The following ZNF280D variants were observed in gnomAD, a reference collection of about 807,000 sequenced individuals.
The protein encoded by ZNF280D is zinc finger protein 280D.
A neutral mutation model predicts 94.7 loss-of-function variants in ZNF280D; 39 were observed. That is an observed-to-expected ratio of 0.41 (90% CI 0.32 to 0.54). The LOEUF (loss-of-function observed/expected upper bound fraction) is 0.54, where lower values mean the gene tolerates loss of function less well. Ranked by LOEUF, ZNF280D falls within the 20% of genes least tolerant of loss-of-function variation. ZNF280D has a pLI of 0.22. For synonymous variants in ZNF280D, 398 were observed against 377.6 expected (o/e 1.05, Z -0.63); for missense variants, 1,090 against 1,149.3 (o/e 0.95, Z 0.75).
intron 19 of ZNF280D, among the ~76,000 whole-genome samples, chr15:56,644,052 A>G (rs1372852578): frequency 2.0e-5 from 3 of 151,998 alleles, no homozygotes; most frequent in African/African-American, 7.2e-5. Flanking sequence ...TACTTTGTTA[A>G]ACATTAATAA....
At chr15:56,732,061 T>A (rs1191404886) in intron 1 of ZNF280D, among the ~76,000 whole-genome samples, 1 of 152,194 alleles carries the variant, frequency 6.6e-6, no homozygotes, top group East Asian at 1.9e-4. Flanking sequence ...TTAAAATCTT[T>A]AAGTGAGCCT....
chr15:56,658,456 A>G lies in ZNF280D; in HGVS notation c.2025T>C (p.Phe675=). 1 of 1,587,384 alleles carries G rather than the reference A, an allele frequency of 6.3e-7. No individual in the cohort carries two copies. Among genetic ancestry groups the G allele is most frequent in the South Asian group, 1.2e-5 (1 of 84,134 alleles). ...SFHSNRPSKR[F]CIFKKHSENL... is the part of the protein sequence containing the mutation. Reference sequence around the variant, plus strand: ...TTTCTGAATGCTTCTTAAAAATACAAAACCTTTTGCTTGGACGGTTACTAT... The same window carrying G: ...TTTCTGAATGCTTCTTAAAAATACAGAACCTTTTGCTTGGACGGTTACTAT... The change falls in exon 17 of 22, where the codon TTT becomes TTC. Residue 675 remains phenylalanine, a synonymous_variant. Coordinates refer to ENST00000267807, the MANE Select transcript of ZNF280D (RefSeq NM_017661.4).
chr15:56,677,730 A>T (rs2055327605), intron 11 of ZNF280D, 56 bp from the exon 12 acceptor site: 1 of 654,404 alleles, frequency 1.5e-6, no homozygotes, highest in Non-Finnish European at 2.2e-6. Flanking sequence ...ATAAAAATTA[A>T]TTTTATACAT....
At position 56,654,295 on chromosome 15, in the gene ZNF280D, A is replaced by G; in HGVS notation, c.2177-61T>C. Reference sequence around the variant, plus strand: ...CATATGAAATATGATGAGTGAGAATAATGATTTAGTAAAGAGACCATATTG... The same window carrying G: ...CATATGAAATATGATGAGTGAGAATGATGATTTAGTAAAGAGACCATATTG... On this transcript the variant is annotated intron_variant, in intron 18 of 21. Transcript: ENST00000267807. 10 of 1,598,242 alleles carry G rather than the reference A, an allele frequency of 6.3e-6. No individual in the cohort carries two copies. The South Asian group carries it at 1.1e-4, about 18-fold the overall frequency.
chr15:56,726,412 T>A (rs558805664), intron 1 of ZNF280D, among the ~76,000 whole-genome samples: 1 of 152,268 alleles, frequency 6.6e-6, no homozygotes, highest in African/African-American at 2.4e-5. Flanking sequence ...TTCCTAGAGA[T>A]CTTTAAACAA....
chr15:56,723,315 T>C (rs2058470382), intron 1 of ZNF280D, among the ~76,000 whole-genome samples: 1 of 152,176 alleles, frequency 6.6e-6, no homozygotes. Flanking sequence ...TTTTTTAAAA[T>C]GAAGTACTGA....
At chr15:56,658,945 A>C (rs1405327520) in intron 16 of ZNF280D, among the ~76,000 whole-genome samples, 1 of 152,054 alleles carries the variant, frequency 6.6e-6, no homozygotes, top group Non-Finnish European at 1.5e-5. Context: ...CTGGGAAGTA[A>C]ACAGAACTTG....
chr15:56,705,492 C>T (rs2057350756), intron 3 of ZNF280D, among the ~76,000 whole-genome samples: 1 of 152,124 alleles, frequency 6.6e-6, no homozygotes, highest in African/African-American at 2.4e-5. Flanking sequence ...TCATATGACT[C>T]TAGAGAAGTT....
chr15:56,720,970 T>TGG (rs58898538), intron 1 of ZNF280D, among the ~76,000 whole-genome samples: 1,535 of 25,890 alleles, frequency 0.059, 38 homozygotes, highest in East Asian at 0.19. Flanking sequence ...GCATTTTTTT[T>TGG]GGGGGGGGGG....
At chr15:56,661,570 A>G (rs2053946569) in intron 16 of ZNF280D, among the ~76,000 whole-genome samples, 1 of 152,212 alleles carries the variant, frequency 6.6e-6, no homozygotes, top group Admixed American at 6.5e-5. Flanking sequence ...ACAAATTTTT[A>G]TACTAGCTTT....
chr15:56,673,974 C>G (rs1263095552), intron 13 of ZNF280D, among the ~76,000 whole-genome samples: 2 of 151,962 alleles, frequency 1.3e-5, no homozygotes, highest in Non-Finnish European at 2.9e-5. Context: ...TACTTATTGC[C>G]AGCATATACA....
chr15:56,719,046 C>A (rs553594128), intron 1 of ZNF280D, among the ~76,000 whole-genome samples: 2 of 152,290 alleles, frequency 1.3e-5, no homozygotes, highest in Admixed American at 1.3e-4. Context: ...AAAGTTTAGA[C>A]CTCAGTCCCA....
At position 56,689,281 on chromosome 15, in the gene ZNF280D, T is replaced by C; in HGVS notation, c.670+19A>G. On this transcript the variant is annotated intron_variant, in intron 8 of 21. Transcript: ENST00000267807. Reference sequence around the variant, plus strand: ...ATAAATACTATAACTTCTTTTTATGTACCACATTTCATATTTACCTTTTGC... The same window carrying C: ...ATAAATACTATAACTTCTTTTTATGCACCACATTTCATATTTACCTTTTGC... 1.9e-6 allele frequency: 3 copies of C among 1,586,722 alleles called. No homozygotes were observed. The highest frequency in any genetic ancestry group is 2.7e-5 in the African/African-American group (2 of 73,338).
chr15:56,663,680 C>A (rs2140821318), intron 16 of ZNF280D, among the ~76,000 whole-genome samples: 1 of 152,236 alleles, frequency 6.6e-6, no homozygotes, highest in Non-Finnish European at 1.5e-5. Context: ...TGACAATGAA[C>A]AAGAATTTCT....
intron 4 of ZNF280D, among the ~76,000 whole-genome samples, chr15:56,703,687 C>T (rs1340302236): frequency 1.3e-5 from 2 of 151,836 alleles, no homozygotes; most frequent in African/African-American, 4.8e-5. Flanking sequence ...GACCCTGTCT[C>T]TACAAAAAAT....
At position 56,689,085 on chromosome 15, in the gene ZNF280D, T is replaced by C. The variant is rs2056254433; in HGVS notation, c.736A>G (p.Asn246Asp). 2.5e-6 allele frequency: 4 copies of C among 1,611,208 alleles called. No homozygotes were observed. In the Admixed American group the frequency reaches 5.0e-5, roughly 20 times the overall value. ...GGATCCAAAAGATTGAAATGAATGT[T>C]GCACTTTGGACAAGCTCTTGGAAAA... ...TPFPRACPKC[N>D]IHFNLLDPLK... The change falls in exon 9 of 22, where the codon AAC (asparagine) becomes GAC (aspartate). Residue 246 changes from asparagine to aspartate, a missense_variant. Asn to Asp is a conservative substitution (Grantham distance 23, BLOSUM62 1). Coordinates refer to ENST00000267807, the MANE Select transcript of ZNF280D (RefSeq NM_017661.4).
In ZNF280D at chr15:56,733,509, G is replaced by C. The variant is rs1039172131; in HGVS notation, c.-137C>G. 1 of 1,151,448 alleles carries C rather than the reference G, an allele frequency of 8.7e-7. No individual in the cohort carries two copies. 71.3% of individuals were successfully genotyped at this position (1,151,448 alleles called of 1,614,324 possible). On this transcript the variant is annotated 5_prime_UTR_variant, in exon 1 of 22. Coordinates refer to ENST00000267807, the MANE Select transcript of ZNF280D (RefSeq NM_017661.4). The stretch of plus-strand genomic sequence containing the variant: ...GGAGCCCTGAGGAGGAGGAGAAAGA[G>C]GAGGAGGAAAAGGAGGAGCACGAAA...
intron 16 of ZNF280D, among the ~76,000 whole-genome samples, chr15:56,663,527 T>C (rs2054095631): frequency 6.6e-6 from 1 of 151,608 alleles, no homozygotes; most frequent in African/African-American, 2.4e-5. Context: ...CAGAGAAGAG[T>C]TCGCCATTCA....
intron 6 of ZNF280D, chr15:56,698,531 C>T (rs1422976942): frequency 1.3e-5 from 2 of 152,166 alleles, no homozygotes; most frequent in Non-Finnish European, 2.9e-5. Context: ...GGCAGACAGA[C>T]TCTAAAGTGG....
Sources: gnomAD v4.1 joint callset for allele counts (sites outside exome capture counted in the v4.1 genomes callset) on GRCh38, gnomAD v4.1.1 for gene constraint, MANE v1.5 for transcripts, NCBI Gene and HGNC (gene_info 2026-07-23, HGNC 2026-07-21) for gene names.